The following MAPRE3 variants were observed in gnomAD, a reference collection of about 807,000 sequenced individuals.
MAPRE3 encodes microtubule associated protein RP/EB family member 3, also known as microtubule-associated protein RP/EB family member 3.
Under a neutral mutation model 30.5 loss-of-function variants are expected in MAPRE3, and 2 were observed. That is an observed-to-expected ratio of 0.07 (90% CI 0.03 to 0.21). The LOEUF is 0.21. MAPRE3 is among the 10% of genes least tolerant of loss of function. The pLI is 1.00. For synonymous variants in MAPRE3, 110 were observed against 127.7 expected (o/e 0.86, Z 0.93); for missense variants, 204 against 351.8 (o/e 0.58, Z 3.36).
chr2:27,014,600 T>A (rs1054825401), intron 1 of MAPRE3: 11 of 152,488 alleles, frequency 7.2e-5, no homozygotes, highest in African/African-American at 2.6e-4. Flanking sequence ...GCCCCGTCTC[T>A]GCATTGATTA....
chr2:26,970,840 A>G (rs1172370333), intron 1 of MAPRE3, 38 bp downstream of exon 1: 1 of 149,046 alleles, frequency 6.7e-6, no homozygotes, highest in Non-Finnish European at 1.5e-5. Flanking sequence ...CGTGGGGCTG[A>G]GTCAGCGGGA....
intron 1 of MAPRE3, among the ~76,000 whole-genome samples, chr2:27,021,161 T>C (rs559258136): frequency 3.9e-5 from 6 of 152,304 alleles, no homozygotes; most frequent in African/African-American, 1.4e-4. Context: ...AAATACTACA[T>C]CATTTTATAT....
chr2:27,012,391 G>A (rs1366395625), intron 1 of MAPRE3: 1 of 152,212 alleles, frequency 6.6e-6, no homozygotes, highest in Non-Finnish European at 1.5e-5. Flanking sequence ...GCCAGGTTCA[G>A]CTCTGATCTT....
chr2:27,000,516 GAAGA>G (rs1434559687), intron 1 of MAPRE3, among the ~76,000 whole-genome samples: 1 of 152,096 alleles, frequency 6.6e-6, no homozygotes, highest in Admixed American at 6.5e-5. Context: ...AAAGAATGAA[GAAGA>G]AAGAGTTACA....
chr2:26,992,927 A>G (rs1319975732), intron 1 of MAPRE3, among the ~76,000 whole-genome samples: 4 of 152,018 alleles, frequency 2.6e-5, no homozygotes, highest in African/African-American at 9.7e-5. Context: ...TTTATTTCCT[A>G]TTGCACATGT....
chr2:26,987,122 T>A (rs1489025596), intron 1 of MAPRE3, among the ~76,000 whole-genome samples: 1 of 152,122 alleles, frequency 6.6e-6, no homozygotes, highest in Non-Finnish European at 1.5e-5. Context: ...GATTTCTTCC[T>A]CAGAAGTAAA....
chr2:27,023,976 GA>G lies in MAPRE3; in HGVS notation c.268-118del, dbSNP rs1667173004. On this transcript the variant is annotated intron_variant, in intron 3 of 6. Coordinates refer to ENST00000233121, the MANE Select transcript of MAPRE3 (RefSeq NM_012326.4). ...GTGCCGTGGGAGGGGGGCAAGTGGA[GA>G]AGGTGGAGGACGCTGCAGCCCAGGG... 8.4e-6 allele frequency: 6 copies of G among 715,094 alleles called. No homozygotes were observed. The South Asian group carries it at 1.0e-4, about 12-fold the overall frequency. 44.3% of individuals were successfully genotyped at this position (715,094 alleles called of 1,614,324 possible).
intron 1 of MAPRE3, among the ~76,000 whole-genome samples, chr2:26,971,071 C>T (rs1342037116): frequency 6.6e-6 from 1 of 152,142 alleles, no homozygotes; most frequent in African/African-American, 2.4e-5. Context: ...CTTGAGGCTC[C>T]TTCCCCACTA....
intron 6 of MAPRE3, 40 bp from the exon 7 acceptor site, chr2:27,026,240 C>T (rs760925278): frequency 6.3e-7 from 1 of 1,581,076 alleles, no homozygotes; most frequent in Non-Finnish European, 8.6e-7. Flanking sequence ...CCTGCCTGGC[C>T]TGCCTGGCCC....
intron 1 of MAPRE3, among the ~76,000 whole-genome samples, chr2:26,978,513 G>A (rs1425768493): frequency 1.3e-5 from 2 of 150,848 alleles, no homozygotes; most frequent in African/African-American, 4.9e-5. Context: ...TCTGATTTTA[G>A]ATGCTTAGAG....
chr2:27,021,659 C>G (rs1667112510), intron 1 of MAPRE3, among the ~76,000 whole-genome samples: 1 of 152,154 alleles, frequency 6.6e-6, no homozygotes, highest in African/African-American at 2.4e-5. Context: ...GCAACCTGTC[C>G]CTGCCAACCT....
intron 1 of MAPRE3, among the ~76,000 whole-genome samples, chr2:26,980,487 A>G (rs1374626230): frequency 2.0e-5 from 3 of 152,250 alleles, no homozygotes; most frequent in Non-Finnish European, 4.4e-5. Context: ...CTATATTGAC[A>G]TAATCCATAT....
At chr2:26,988,325 T>C (rs1284600879) in intron 1 of MAPRE3, among the ~76,000 whole-genome samples, 1 of 152,254 alleles carries the variant, frequency 6.6e-6, no homozygotes, top group East Asian at 1.9e-4. Flanking sequence ...TTGTTTTTTT[T>C]CAACTTGTAT....
intron 5 of MAPRE3, 39 bp from the exon 6 acceptor site, chr2:27,025,841 G>A (rs752652932): frequency 4.3e-6 from 7 of 1,613,752 alleles, no homozygotes; most frequent in South Asian, 1.1e-5. Flanking sequence ...AACCTGAGGT[G>A]GGGACCTCTG....
rs1483279862 is a variant in MAPRE3, at chr2:27,022,480, ATGT to A, written c.121+151_121+153del. On this transcript the variant is annotated intron_variant, in intron 2 of 6. Coordinates refer to ENST00000233121, the MANE Select transcript of MAPRE3 (RefSeq NM_012326.4). The stretch of plus-strand genomic sequence containing the variant: ...GGCCAGAGAAATGCATCCTTAGGCG[ATGT>A]TGTTGTTGTGTGAACATCACAGAGT... 66 of 1,123,194 alleles carry A rather than the reference ATGT, an allele frequency of 5.9e-5. 1 individual carries two copies. Among genetic ancestry groups the A allele is most frequent in the African/African-American group, 2.3e-4 (15 of 64,560 alleles). The allele number at this position is 1,123,194 out of a possible 1,614,324, so 69.6% of individuals were successfully genotyped here. A position where few individuals can be genotyped will look rare whatever the true frequency, so the allele number is the denominator to read the frequency against.
At chr2:27,022,596 G>C (rs1217887650) in intron 2 of MAPRE3, 3 of 443,374 alleles carry the variant, frequency 6.8e-6, no homozygotes, top group African/African-American at 2.0e-5. Flanking sequence ...AACATGGACA[G>C]CATGTTTCTG....
chr2:26,994,430 G>A (rs1666410836), intron 1 of MAPRE3, among the ~76,000 whole-genome samples: 1 of 152,206 alleles, frequency 6.6e-6, no homozygotes, highest in Admixed American at 6.5e-5. Context: ...CTCTCTACCA[G>A]AGGAGACATC....
chr2:26,992,337 C>G (rs534421346), intron 1 of MAPRE3, among the ~76,000 whole-genome samples: 1 of 152,026 alleles, frequency 6.6e-6, no homozygotes, highest in African/African-American at 2.4e-5. Flanking sequence ...AGCGATTCTC[C>G]TGCCTCAGCC....
Position 26,975,079 on chromosome 2 carries a change from A to G in MAPRE3, c.-8+4277A>G, listed in dbSNP as rs182828883. Among the ~76,000 whole-genome samples, 4 of 152,322 alleles carry G rather than the reference A, an allele frequency of 2.6e-5. No individual in the cohort carries two copies. In the East Asian group the frequency reaches 5.8e-4, roughly 22 times the overall value. On this transcript the variant is annotated intron_variant, in intron 1 of 6. Transcript: ENST00000233121. ...TATCTTTGCTCCATGTATTCAGCCA[A>G]CCTGAAAGACTGGCAGGACAGGAGC... is the stretch of plus-strand genomic sequence containing the variant.
Sources: allele counts gnomAD v4.1 joint callset (sites outside exome capture counted in the v4.1 genomes callset), GRCh38; gene constraint gnomAD v4.1.1; transcripts MANE v1.5; gene names NCBI Gene and HGNC (gene_info 2026-07-23, HGNC 2026-07-21).